DENND5B: variants seen among roughly 807,000 people sequenced by gnomAD.
DENND5B encodes the protein DENN domain-containing protein 5B.
DENND5B carries 34 observed loss-of-function variants against 140.6 expected under a neutral mutation model. The observed-to-expected ratio is 0.24, with a 90% CI of 0.18 to 0.32. DENND5B has a LOEUF of 0.32. Among genes scored for constraint, DENND5B ranks in the 10% least tolerant of loss-of-function variants. DENND5B has a pLI of 1.00. For missense variants in DENND5B, 1,142 were observed against 1,560.2 expected (o/e 0.73, Z 4.52); for synonymous variants, 551 against 562.1 (o/e 0.98, Z 0.28).
chr12:31,397,773 A>T (rs1424666214), intron 17 of DENND5B, among the ~76,000 whole-genome samples: 1 of 150,980 alleles, frequency 6.6e-6, no homozygotes, highest in African/African-American at 2.4e-5. Flanking sequence ...AAAATACAAA[A>T]ATTAGCCAGG....
At chr12:31,553,708 G>C (rs1447141546) in intron 1 of DENND5B, among the ~76,000 whole-genome samples, 3 of 152,154 alleles carry the variant, frequency 2.0e-5, no homozygotes, top group Non-Finnish European at 4.4e-5. Flanking sequence ...AAGTCACTTT[G>C]TAGGTCACTA....
chr12:31,453,835 T>C (rs1944649763), intron 4 of DENND5B, among the ~76,000 whole-genome samples: 1 of 152,036 alleles, frequency 6.6e-6, no homozygotes, highest in Non-Finnish European at 1.5e-5. Flanking sequence ...AACTCTAAAT[T>C]AAGCTCAATA....
At chr12:31,443,043 ATT>A (rs1944110548) in intron 6 of DENND5B, 118 bp from the exon 7 acceptor site, 1 of 699,944 alleles carries the variant, frequency 1.4e-6, no homozygotes, top group East Asian at 3.2e-5. Context: ...TGAAACAGAT[ATT>A]GTGTGTGTGT....
intron 1 of DENND5B, among the ~76,000 whole-genome samples, chr12:31,573,879 C>T (rs1949907491): frequency 6.6e-6 from 1 of 151,798 alleles, no homozygotes; most frequent in Non-Finnish European, 1.5e-5. Flanking sequence ...CCCTTGAGCC[C>T]AGGAGGTTGA....
In DENND5B at chr12:31,384,749, A is replaced by G. The variant is rs1397622084; in HGVS notation, c.*2854T>C. On this transcript the variant is annotated 3_prime_UTR_variant, in exon 21 of 21. Transcript: ENST00000389082. Reference sequence around the variant, plus strand: ...GGTTTTATTCATAGGCCGCAAATCCAACTTTGGCTGCAGTTTTTTTCTTTT... The same window carrying G: ...GGTTTTATTCATAGGCCGCAAATCCGACTTTGGCTGCAGTTTTTTTCTTTT... The G allele has an allele frequency of 6.6e-6, 1 of 152,040 alleles. No homozygotes were observed. Among genetic ancestry groups the G allele is most frequent in the Non-Finnish European group, 1.5e-5 (1 of 68,008 alleles). The allele number at this position is 152,040 out of a possible 1,614,324, so 9.4% of individuals were successfully genotyped here. A position where few individuals can be genotyped will look rare whatever the true frequency, so the allele number is the denominator to read the frequency against.
In DENND5B at chr12:31,462,908, G is replaced by A. The variant is rs528091625; in HGVS notation, c.905-2527C>T. The stretch of plus-strand genomic sequence containing the variant: ...CAGGAGGCGGAGGTTGCAGTGAGCC[G>A]GGATTGCACTACTGCACTCCAGCCT... On this transcript the variant is annotated intron_variant, in intron 3 of 20. Transcript: ENST00000389082. Among the ~76,000 whole-genome samples, 11 of 152,038 alleles carry A rather than the reference G, an allele frequency of 7.2e-5. No homozygotes were observed. In the East Asian group the frequency reaches 7.7e-4, roughly 11 times the overall value.
intron 7 of DENND5B, among the ~76,000 whole-genome samples, chr12:31,438,938 T>TA (rs1377263701): frequency 6.6e-6 from 1 of 152,162 alleles, no homozygotes; most frequent in African/African-American, 2.4e-5. Flanking sequence ...CAGAAAAGGA[T>TA]AAAGATTAAC....
intron 3 of DENND5B, among the ~76,000 whole-genome samples, chr12:31,479,275 G>A (rs1945961759): frequency 6.6e-6 from 1 of 152,120 alleles, no homozygotes; most frequent in East Asian, 1.9e-4. Flanking sequence ...TTATGATGAA[G>A]AAAAAATGTT....
chr12:31,413,624 A>T (rs770169213), intron 12 of DENND5B, 60 bp from the exon 13 acceptor site: 2 of 1,562,826 alleles, frequency 1.3e-6, no homozygotes, highest in Non-Finnish European at 1.7e-6. Context: ...ACTAGAAAAG[A>T]AGTAAAGAGT....
intron 2 of DENND5B, among the ~76,000 whole-genome samples, chr12:31,482,723 T>G (rs1482041754): frequency 1.3e-5 from 2 of 152,140 alleles, no homozygotes; most frequent in African/African-American, 4.8e-5. Context: ...AGTAATTGTT[T>G]TGATCTTTAC....
chr12:31,395,368 AG>A (rs1340828304), intron 17 of DENND5B, among the ~76,000 whole-genome samples: 2 of 152,138 alleles, frequency 1.3e-5, no homozygotes, highest in African/African-American at 2.4e-5. Flanking sequence ...TCAAGGTGGG[AG>A]GATCACCTGA....
chr12:31,583,306 AAAAG>A (rs1438531940), intron 1 of DENND5B, among the ~76,000 whole-genome samples: 1 of 121,158 alleles, frequency 8.3e-6, no homozygotes, highest in Non-Finnish European at 1.7e-5. Flanking sequence ...AAAAAAAAAA[AAAAG>A]AGAGAGAGAG....
At chr12:31,457,956 C>T (rs1417481876) in intron 4 of DENND5B, among the ~76,000 whole-genome samples, 3 of 152,066 alleles carry the variant, frequency 2.0e-5, no homozygotes, top group African/African-American at 4.8e-5. Context: ...CCTCGTGATC[C>T]GCCCGCCTCA....
intron 2 of DENND5B, among the ~76,000 whole-genome samples, chr12:31,484,520 G>A (rs1380731263): frequency 6.6e-6 from 1 of 152,018 alleles, no homozygotes; most frequent in Non-Finnish European, 1.5e-5. Context: ...TCGTCATCTT[G>A]GAGCCAGGTG....
At chr12:31,585,769 C>G (rs1266505372) in intron 1 of DENND5B, among the ~76,000 whole-genome samples, 1 of 152,224 alleles carries the variant, frequency 6.6e-6, no homozygotes, top group African/African-American at 2.4e-5. Flanking sequence ...TCTCTACGCT[C>G]TTTTGAAAAC....
At chr12:31,569,060 C>CTTTTTTTTT (rs1234009016) in intron 1 of DENND5B, among the ~76,000 whole-genome samples, 3 of 93,162 alleles carry the variant, frequency 3.2e-5, no homozygotes, top group African/African-American at 5.0e-5. Flanking sequence ...AGCAACATAC[C>CTTTTTTTTT]TTTTTTTTTT....
chr12:31,580,161 T>A (rs1950169769), intron 1 of DENND5B, among the ~76,000 whole-genome samples: 1 of 152,042 alleles, frequency 6.6e-6, no homozygotes, highest in Admixed American at 6.6e-5. Context: ...ATTTCATAAA[T>A]ACTGCCCATC....
intron 11 of DENND5B, among the ~76,000 whole-genome samples, chr12:31,417,811 A>G (rs1006357552): frequency 1.5e-4 from 23 of 152,230 alleles, no homozygotes; most frequent in Non-Finnish European, 7.3e-5. Flanking sequence ...AAATTCCAAC[A>G]TCATACTCAG....
Position 31,423,682 on chromosome 12 carries a change from G to A in DENND5B, c.2392-7C>T. 6.2e-7 allele frequency: 1 copy of A among 1,611,170 alleles called. No homozygotes were observed. Reference sequence around the variant, plus strand: ...ACCACAAAGCCGACTTCCCCTGAAAGTACAAGATGTGTAAAAATTTCATAA... The same window carrying A: ...ACCACAAAGCCGACTTCCCCTGAAAATACAAGATGTGTAAAAATTTCATAA... On this transcript the variant is annotated splice_polypyrimidine_tract_variant and splice_region_variant and intron_variant, in intron 10 of 20. Coordinates refer to ENST00000389082, the MANE Select transcript of DENND5B (RefSeq NM_144973.4).
Sources: gnomAD v4.1 joint callset for allele counts (sites outside exome capture counted in the v4.1 genomes callset) on GRCh38, gnomAD v4.1.1 for gene constraint, MANE v1.5 for transcripts, NCBI Gene and HGNC (gene_info 2026-07-23, HGNC 2026-07-21) for gene names.